SVIL: variants seen among roughly 807,000 people sequenced by gnomAD.
SVIL encodes the protein supervillin, also known as archvillin.
Under a neutral mutation model 240.4 loss-of-function variants are expected in SVIL, and 101 were observed. The ratio of observed to expected loss-of-function variants is 0.42; its 90% CI spans 0.36 to 0.50. The LOEUF (loss-of-function observed/expected upper bound fraction) is 0.50, where lower values mean the gene tolerates loss of function less well. Ranked by LOEUF, SVIL falls within the 20% of genes least tolerant of loss-of-function variation. The pLI is 0.01. For synonymous variants in SVIL, 999 were observed against 1,100.0 expected (o/e 0.91, Z 1.82); for missense variants, 2,512 against 2,818.7 (o/e 0.89, Z 2.46).
rs1291896888 is a variant in SVIL at position 29,471,611 on chromosome 10, A to T, written c.5530-368T>A. On this transcript the variant is annotated intron_variant, in intron 30 of 37. Transcript: ENST00000355867. ...AGACTGATATAAATACATTCTTAAC[A>T]AGATAGCTCTCAGCAATGAGAATGA... is the stretch of plus-strand genomic sequence containing the variant. Among the ~76,000 whole-genome samples, 9 of 152,368 alleles carry T rather than the reference A, an allele frequency of 5.9e-5. No homozygotes were observed. In the East Asian group the frequency reaches 1.5e-3, roughly 26 times the overall value.
intron 1 of SVIL, among the ~76,000 whole-genome samples, chr10:29,628,409 A>G (rs1957956975): frequency 6.6e-6 from 1 of 152,236 alleles, no homozygotes; most frequent in Non-Finnish European, 1.5e-5. Context: ...AAATATTTAA[A>G]GTATGTGAGA....
At chr10:29,614,186 C>T (rs1957352642) in intron 1 of SVIL, among the ~76,000 whole-genome samples, 1 of 152,046 alleles carries the variant, frequency 6.6e-6, no homozygotes, top group African/African-American at 2.4e-5. Context: ...ATCATAGGCT[C>T]AAATCATTTA....
In SVIL at chr10:29,509,330, G is replaced by GGAGAGAGAGAGAGAGAGAGAGAGA. The variant is rs66616602; in HGVS notation, c.3516+3381_3516+3404dup. On this transcript the variant is annotated intron_variant, in intron 17 of 37. Coordinates refer to ENST00000355867, the MANE Select transcript of SVIL (RefSeq NM_021738.3). The stretch of plus-strand genomic sequence containing the variant: ...GAGAGAAAGGGAGAAGGAGGGGGAG[G>GGAGAGAGAGAGAGAGAGAGAGAGA]GAGAGAGAGAGAGAGAGAGAGAGAG... Among the ~76,000 whole-genome samples the GGAGAGAGAGAGAGAGAGAGAGAGA allele has an allele frequency of 1.7e-3, 114 of 66,892 alleles. 9 individuals carry two copies. Among genetic ancestry groups the GGAGAGAGAGAGAGAGAGAGAGAGA allele is most frequent in the Non-Finnish European group, 2.9e-3 (94 of 32,262 alleles). The allele number at this position is 66,892 out of a possible 152,430, so 43.9% of individuals were successfully genotyped here.
At chr10:29,726,995 C>G (rs1361724834) in intron 1 of SVIL, among the ~76,000 whole-genome samples, 1 of 152,166 alleles carries the variant, frequency 6.6e-6, no homozygotes, top group Non-Finnish European at 1.5e-5. Context: ...TTCTCAATAA[C>G]AAGCATTAAA....
chr10:29,693,628 G>T (rs372730784), intron 1 of SVIL, among the ~76,000 whole-genome samples: 1 of 152,092 alleles, frequency 6.6e-6, no homozygotes, highest in Non-Finnish European at 1.5e-5. Context: ...GAGCCAAGCC[G>T]CTGTGTGCAT....
At chr10:29,691,313 G>A (rs927076020) in intron 1 of SVIL, among the ~76,000 whole-genome samples, 2 of 151,262 alleles carry the variant, frequency 1.3e-5, no homozygotes, top group Admixed American at 1.3e-4. Context: ...CCAGGTTCAC[G>A]CCATTCTCCA....
intron 17 of SVIL, chr10:29,508,471 A>T (rs1228866652): frequency 8.6e-7 from 1 of 1,164,362 alleles, no homozygotes; most frequent in Non-Finnish European, 1.1e-6. Flanking sequence ...ACCTTCAAGT[A>T]TTTCATGCCT....
intron 6 of SVIL, among the ~76,000 whole-genome samples, chr10:29,543,407 T>G (rs563931345): frequency 9.9e-5 from 15 of 152,196 alleles, no homozygotes; most frequent in Non-Finnish European, 1.9e-4. Context: ...CTCACTTTCA[T>G]TAATGTCCCC....
intron 3 of SVIL, among the ~76,000 whole-genome samples, chr10:29,641,074 T>A (rs1036831960): frequency 6.6e-6 from 1 of 152,140 alleles, no homozygotes; most frequent in Non-Finnish European, 1.5e-5. Context: ...TAGCAAATCG[T>A]CCCAGATCCT....
intron 1 of SVIL, among the ~76,000 whole-genome samples, chr10:29,610,277 C>T (rs553777546): frequency 7.2e-5 from 11 of 152,224 alleles, no homozygotes; most frequent in Non-Finnish European, 1.5e-4. Flanking sequence ...TGTACAATCA[C>T]AACAGCCTCT....
chr10:29,733,632 T>A (rs1267032724), intron 1 of SVIL, among the ~76,000 whole-genome samples: 1 of 152,146 alleles, frequency 6.6e-6, no homozygotes. Context: ...GAGAAGAAAG[T>A]GAAGCTCAGA....
At chr10:29,508,130 T>C (rs1589038111) in intron 17 of SVIL, 1 of 303,484 alleles carries the variant, frequency 3.3e-6, no homozygotes, top group Non-Finnish European at 6.6e-6. Flanking sequence ...ACAGAAAATA[T>C]CATCTTCTTT....
chr10:29,557,903 G>A (rs931703387), intron 3 of SVIL, among the ~76,000 whole-genome samples: 21 of 152,192 alleles, frequency 1.4e-4, no homozygotes, highest in Non-Finnish European at 4.4e-5. Flanking sequence ...CTATGGGGGC[G>A]CTAATGGCTT....
At chr10:29,608,840 T>C (rs1312918995) in intron 1 of SVIL, among the ~76,000 whole-genome samples, 1 of 152,188 alleles carries the variant, frequency 6.6e-6, no homozygotes, top group Non-Finnish European at 1.5e-5. Flanking sequence ...AGTGAAACCC[T>C]ACCTTTAAGC....
At chr10:29,670,435 T>C (rs1200624063) in intron 2 of SVIL, among the ~76,000 whole-genome samples, 1 of 152,212 alleles carries the variant, frequency 6.6e-6, no homozygotes, top group Admixed American at 6.5e-5. Context: ...AACAAAAGTA[T>C]GTCAGCCAGG....
intron 1 of SVIL, among the ~76,000 whole-genome samples, chr10:29,631,692 T>A (rs1174137832): frequency 6.6e-6 from 1 of 152,162 alleles, no homozygotes; most frequent in Non-Finnish European, 1.5e-5. Context: ...GGAGAATCCC[T>A]TGAACCCGGG....
intron 1 of SVIL, among the ~76,000 whole-genome samples, chr10:29,710,049 TCA>T (rs905224755): frequency 2.7e-5 from 4 of 150,224 alleles, no homozygotes; most frequent in African/African-American, 9.7e-5. Context: ...TATGTGTCAC[TCA>T]CATTCTTTCT....
intron 31 of SVIL, 95 bp from the exon 32 acceptor site, chr10:29,470,578 C>CCA: frequency 7.1e-7 from 1 of 1,404,242 alleles, no homozygotes; most frequent in Non-Finnish European, 9.8e-7. Context: ...TCCAAGGCAG[C>CCA]CACCTCCGTC....
chr10:29,736,173 G>T (rs1321426428), upstream of SVIL, among the ~76,000 whole-genome samples: 1 of 152,106 alleles, frequency 6.6e-6, no homozygotes, highest in Non-Finnish European at 1.5e-5. Flanking sequence ...CCCAGGACAC[G>T]AACTCGCGCC....
Sources: allele counts gnomAD v4.1 joint callset (sites outside exome capture counted in the v4.1 genomes callset), GRCh38; gene constraint gnomAD v4.1.1; transcripts MANE v1.5; gene names NCBI Gene and HGNC (gene_info 2026-07-23, HGNC 2026-07-21).